Variants in FKBP9 observed in about 807,000 individuals in gnomAD.
The protein encoded by FKBP9 is FKBP prolyl isomerase 9.
FKBP9 carries 27 observed loss-of-function variants against 55.6 expected under a neutral mutation model. That is an observed-to-expected ratio of 0.49 (90% CI 0.36 to 0.67). The LOEUF is 0.67. Among genes scored for constraint, FKBP9 ranks in the 30% least tolerant of loss-of-function variants. The pLI is 0.00. For missense variants in FKBP9, 539 were observed against 742.8 expected (o/e 0.73, Z 3.19); for synonymous variants, 267 against 296.5 (o/e 0.90, Z 1.02).
At chr7:32,969,692 T>G (rs1784217073) in intron 1 of FKBP9, among the ~76,000 whole-genome samples, 2 of 152,142 alleles carry the variant, frequency 1.3e-5, no homozygotes, top group African/African-American at 4.8e-5. Context: ...AGGATTGTTT[T>G]GGCTCTTTAG....
chr7:32,983,041 GA>G (rs1784512936), intron 5 of FKBP9, among the ~76,000 whole-genome samples: 1 of 144,886 alleles, frequency 6.9e-6, no homozygotes, highest in South Asian at 2.2e-4. Context: ...TGTGTGTTTT[GA>G]GACGGAGTTT....
intron 6 of FKBP9, among the ~76,000 whole-genome samples, chr7:32,992,013 T>C (rs1784693240): frequency 6.6e-6 from 1 of 152,188 alleles, no homozygotes; most frequent in African/African-American, 2.4e-5. Flanking sequence ...GTTCCACCCA[T>C]GTGTCCAAGG....
intron 1 of FKBP9, among the ~76,000 whole-genome samples, chr7:32,965,007 C>A (rs148665776): frequency 2.6e-5 from 4 of 152,236 alleles, no homozygotes; most frequent in Non-Finnish European, 5.9e-5. Flanking sequence ...TGTGAGTCAG[C>A]CATCTGAGTT....
Position 33,002,899 on chromosome 7 carries a change from C to T in FKBP9, c.1536+60C>T, listed in dbSNP as rs576750118. 355 of 1,567,874 alleles carry T rather than the reference C, an allele frequency of 2.3e-4. 4 individuals carry two copies. In the South Asian group the frequency reaches 2.5e-3, roughly 11 times the overall value. On this transcript the variant is annotated intron_variant, in intron 9 of 9. Transcript: ENST00000242209. ...AAGAGCTCAGGGAGCCTGGTAAGGCCGTGGGGCCGGTTCTGAAGGTAAGGA... is the reference window on the plus strand; with the variant it reads ...AAGAGCTCAGGGAGCCTGGTAAGGCTGTGGGGCCGGTTCTGAAGGTAAGGA...
At chr7:32,973,146 A>G (rs889779701) in intron 1 of FKBP9, among the ~76,000 whole-genome samples, 1 of 152,166 alleles carries the variant, frequency 6.6e-6, no homozygotes, top group African/African-American at 2.4e-5. Flanking sequence ...CTATCAGTAT[A>G]TAAGGTACTT....
intron 6 of FKBP9, chr7:32,988,918 T>C (rs1205526474): frequency 1.1e-4 from 31 of 280,060 alleles, no homozygotes; most frequent in African/African-American, 2.1e-5. Context: ...AGCCAAAATA[T>C]TGAAGCTAAA....
chr7:32,995,270 T>A, intron 6 of FKBP9, among the ~76,000 whole-genome samples: 1 of 143,922 alleles, frequency 6.9e-6, no homozygotes, highest in Non-Finnish European at 1.6e-5. Context: ...CCTGAGTTGG[T>A]TTTTTTATAT....
chr7:32,957,935 C>A (rs1783938125), intron 1 of FKBP9, 141 bp downstream of exon 1: 1 of 684,810 alleles, frequency 1.5e-6, no homozygotes, highest in Non-Finnish European at 2.2e-6. Flanking sequence ...CAGATCCTCC[C>A]GGACCCCAGA....
At chr7:32,965,812 A>AATATATAT (rs57598279) in intron 1 of FKBP9, among the ~76,000 whole-genome samples, 8 of 34,942 alleles carry the variant, frequency 2.3e-4, no homozygotes, top group African/African-American at 6.1e-4. Flanking sequence ...AAAAAAAAAA[A>AATATATAT]ATATATATAT....
chr7:33,000,200 G>A lies in FKBP9; in HGVS notation c.1312G>A (p.Val438Ile), dbSNP rs202084262. The change falls in exon 8 of 10, where the codon GTT (valine) becomes ATT (isoleucine). Residue 438 changes from valine (V) to isoleucine (I), a missense_variant. By Grantham distance (29) the Val-to-Ile change is conservative. Coordinates refer to ENST00000242209, the MANE Select transcript of FKBP9 (RefSeq NM_007270.5). The stretch of plus-strand genomic sequence containing the variant: ...GGACATGGGTCTCAGAGAGATGTGC[G>A]TTGGCGAGAAACGGACAGTGATCAT... ...GMDMGLREMC[V>I]GEKRTVIIPP... 9.9e-6 allele frequency: 16 copies of A among 1,613,662 alleles called. No individual in the cohort carries two copies. Among genetic ancestry groups the A allele is most frequent in the Non-Finnish European group, 1.2e-5 (14 of 1,179,808 alleles).
intron 8 of FKBP9, among the ~76,000 whole-genome samples, chr7:33,002,226 C>T (rs544922521): frequency 6.6e-6 from 1 of 152,024 alleles, no homozygotes; most frequent in African/African-American, 2.4e-5. Context: ...GTTTGCCTCC[C>T]TGGTTCAAGC....
intron 1 of FKBP9, among the ~76,000 whole-genome samples, chr7:32,961,397 G>T (rs1324783710): frequency 6.6e-6 from 1 of 152,144 alleles, no homozygotes; most frequent in Non-Finnish European, 1.5e-5. Context: ...TACAGTTTCC[G>T]ATTCAGTAGC....
chr7:32,958,000 G>A (rs574949233), intron 1 of FKBP9, among the ~76,000 whole-genome samples: 38 of 152,354 alleles, frequency 2.5e-4, no homozygotes, highest in Admixed American at 9.8e-4. Context: ...TGCCAGCCGG[G>A]GACTGGACCC....
In FKBP9 at chr7:32,996,219, A is replaced by C. The variant is rs1583868260; in HGVS notation, c.1096A>C (p.Asn366His). 1 of 1,614,058 alleles carries C rather than the reference A, an allele frequency of 6.2e-7. No individual in the cohort carries two copies. Among genetic ancestry groups the C allele is most frequent in the Non-Finnish European group, 8.5e-7 (1 of 1,179,988 alleles). ...VFDIHVIDFH[N>H]PSDSISITSH... ...TGACATCCATGTGATCGACTTCCAC[A>C]ACCCTTCGGACTCCATCAGCATCAC... The change falls in exon 7 of 10, where the codon AAC becomes CAC. Residue 366 changes from asparagine (N) to histidine (H), a missense_variant. Asn to His is a moderately conservative substitution (Grantham distance 68). Transcript: ENST00000242209.
chr7:32,979,551 G>A, intron 4 of FKBP9: 4 of 1,550,544 alleles, frequency 2.6e-6, no homozygotes, highest in Non-Finnish European at 3.5e-6. Context: ...GCTTGTCTGG[G>A]CCTACTCCTT....
At chr7:32,997,847 A>G (rs1437256657) in intron 7 of FKBP9, among the ~76,000 whole-genome samples, 2 of 151,998 alleles carry the variant, frequency 1.3e-5, no homozygotes, top group Non-Finnish European at 2.9e-5. Context: ...AGAAAAAGAA[A>G]AGACCCTATG....
At chr7:32,981,252 G>T (rs2953565) in intron 5 of FKBP9, among the ~76,000 whole-genome samples, 1 of 152,166 alleles carries the variant, frequency 6.6e-6, no homozygotes, top group African/African-American at 2.4e-5. Context: ...TGTCAAGTAG[G>T]TGGTTAGATT....
chr7:33,005,685 C>T lies in FKBP9; in HGVS notation c.*334C>T. On this transcript the variant is annotated 3_prime_UTR_variant, in exon 10 of 10. Coordinates refer to ENST00000242209, the MANE Select transcript of FKBP9 (RefSeq NM_007270.5). Reference sequence around the variant, plus strand: ...TATAGTGTCAGACGGAAGTTATAATCATCTTGGAGGAACCATAAGAAAAGG... The same window carrying T: ...TATAGTGTCAGACGGAAGTTATAATTATCTTGGAGGAACCATAAGAAAAGG... 1 of 264,406 alleles carries T rather than the reference C, an allele frequency of 3.8e-6. No homozygotes were observed. Among genetic ancestry groups the T allele is most frequent in the Non-Finnish European group, 7.2e-6 (1 of 138,414 alleles). 16.4% of individuals were successfully genotyped at this position (264,406 alleles called of 1,614,324 possible).
intron 5 of FKBP9, among the ~76,000 whole-genome samples, chr7:32,983,988 T>A (rs1460362884): frequency 1.3e-5 from 2 of 152,214 alleles, no homozygotes; most frequent in African/African-American, 4.8e-5. Flanking sequence ...TTAAAAACAT[T>A]TTCCTCAATT....
Sources: gnomAD v4.1 joint callset for allele counts (sites outside exome capture counted in the v4.1 genomes callset) on GRCh38, gnomAD v4.1.1 for gene constraint, MANE v1.5 for transcripts, NCBI Gene and HGNC (gene_info 2026-07-23, HGNC 2026-07-21) for gene names.